DNAJB12: variants seen among roughly 807,000 people sequenced by gnomAD.
The protein encoded by DNAJB12 is dnaJ homolog subfamily B member 12.
DNAJB12 carries 14 observed loss-of-function variants against 40.6 expected under a neutral mutation model. That is an observed-to-expected ratio of 0.34 (90% confidence interval 0.23 to 0.54). The LOEUF is 0.54. Among genes scored for constraint, DNAJB12 ranks in the 20% least tolerant of loss-of-function variants. The pLI, the probability that DNAJB12 is intolerant of heterozygous loss-of-function variation, is 0.92. For missense variants in DNAJB12, 444 were observed against 501.7 expected, an observed-to-expected ratio of 0.89 and a Z score of 1.10; for synonymous variants, 181 against 199.5, an observed-to-expected ratio of 0.91 and a Z score of 0.78.
At chr10:72,353,028 C>T (rs1426319166) in intron 1 of DNAJB12, among the ~76,000 whole-genome samples, 2 of 152,226 alleles carry the variant, frequency 1.3e-5, no homozygotes, top group South Asian at 2.1e-4. Flanking sequence ...AAAGTTTACA[C>T]GGATGCATAA....
In DNAJB12 at chr10:72,334,162, A is replaced by G; in HGVS notation, c.*486T>C. On this transcript the variant is annotated 3_prime_UTR_variant, in exon 9 of 9. Transcript: ENST00000444643. Reference sequence around the variant, plus strand: ...TATGCCTATTTACATATAAATAGATATATATACATATACACGCATCTATAA... The same window carrying G: ...TATGCCTATTTACATATAAATAGATGTATATACATATACACGCATCTATAA... 4.7e-6 allele frequency: 1 copy of G among 211,334 alleles called. No individual in the cohort carries two copies. The highest frequency in any genetic ancestry group is 6.3e-5 in the South Asian group (1 of 15,992). The allele number at this position is 211,334 out of a possible 1,614,324, so 13.1% of individuals were successfully genotyped here. A position where few individuals can be genotyped will look rare whatever the true frequency, so the allele number is the denominator to read the frequency against.
chr10:72,342,392 C>G lies in DNAJB12; in HGVS notation c.457+974G>C, dbSNP rs1359281911. On this transcript the variant is annotated intron_variant, in intron 3 of 8. Coordinates refer to ENST00000444643, the MANE Select transcript of DNAJB12 (RefSeq NM_017626.7). ...AAGGAGCGCGGAATCGTCTCCTCCG[C>G]CAATTCTGAATAGGCCTCAAGGCCA... is the stretch of plus-strand genomic sequence containing the variant. 2.0e-5 allele frequency among the ~76,000 whole-genome samples: 3 copies of G among 152,238 alleles called. No homozygotes were observed. The East Asian group carries it at 5.8e-4, about 29-fold the overall frequency.
chr10:72,336,492 A>G (rs766106089), intron 7 of DNAJB12, 32 bp downstream of exon 7: 2 of 1,604,094 alleles, frequency 1.2e-6, no homozygotes, highest in South Asian at 1.1e-5. Flanking sequence ...GCCACCTCCC[A>G]AATACAGCCC....
At chr10:72,353,018 A>G (rs555328801) in intron 1 of DNAJB12, among the ~76,000 whole-genome samples, 317 of 152,368 alleles carry the variant, frequency 2.1e-3, no homozygotes, top group Non-Finnish European at 3.8e-3. Flanking sequence ...TGCAGATGGT[A>G]AAGTTTACAC....
rs540195003 is a variant in DNAJB12 at position 72,336,591 on chromosome 10, G to T, written c.939C>A (p.Val313=). 4 of 1,614,112 alleles carry T rather than the reference G, an allele frequency of 2.5e-6. No homozygotes were observed. The South Asian group carries it at 3.3e-5, about 13-fold the overall frequency. The stretch of plus-strand genomic sequence containing the variant: ...TATAATCATCTTCCACATTCCGCTC[G>T]ACTGTTTTGAGGCTGGAGCCTGTGT... ...EEYTGSSLKT[V]ERNVEDDYIA... Residue 313 remains valine (V), a synonymous_variant, in exon 7 of 9, where the codon GTC becomes GTA. Transcript: ENST00000444643.
In DNAJB12 at chr10:72,335,325, T is replaced by C. The variant is rs1232414755; in HGVS notation, c.*30+455A>G. The C allele has an allele frequency of 3.0e-6, 3 of 988,258 alleles. No homozygotes were observed. Among genetic ancestry groups the C allele is most frequent in the Non-Finnish European group, 3.6e-6 (3 of 831,614 alleles). 61.2% of individuals were successfully genotyped at this position (988,258 alleles called of 1,614,324 possible). A position where few individuals can be genotyped will look rare whatever the true frequency, so the allele number is the denominator to read the frequency against. The stretch of plus-strand genomic sequence containing the variant: ...GGCTCTTGGCCCACCTATTCCCACA[T>C]GGTTCTTCCTGGTATCAGGCAGGCA... On this transcript the variant is annotated intron_variant, in intron 8 of 8. Coordinates refer to ENST00000444643, the MANE Select transcript of DNAJB12 (RefSeq NM_017626.7). This position sits in a 1 kb window ranked among gnomAD's most constrained non-coding sequence, Gnocchi z 4.4.
rs1385026880 is a variant in DNAJB12 at position 72,349,259 on chromosome 10, G to T, written c.134-4132C>A. Among the ~76,000 whole-genome samples the T allele has an allele frequency of 2.6e-5, 4 of 152,006 alleles. No individual in the cohort carries two copies. In the East Asian group the frequency reaches 7.7e-4, roughly 29 times the overall value. ...GTGCCGAGTCTGACAGAGAGTGAAGGTTCAAGGCTGATGAAGTGTCTGGCC... is the reference window on the plus strand; with the variant it reads ...GTGCCGAGTCTGACAGAGAGTGAAGTTTCAAGGCTGATGAAGTGTCTGGCC... On this transcript the variant is annotated intron_variant, in intron 1 of 8. Transcript: ENST00000444643.
chr10:72,354,418 GGGC>G, intron 1 of DNAJB12: 7 of 273,674 alleles, frequency 2.6e-5, no homozygotes, highest in South Asian at 1.2e-4. Flanking sequence ...CGACTGGCCT[GGGC>G]TACCGAACGG....
At position 72,354,791 on chromosome 10, in the gene DNAJB12, C is replaced by T. The variant is rs201838770; in HGVS notation, c.107G>A (p.Arg36Gln). 1.9e-6 allele frequency: 3 copies of T among 1,613,602 alleles called. No individual in the cohort carries two copies. Among genetic ancestry groups the T allele is most frequent in the South Asian group, 1.1e-5 (1 of 91,062 alleles). ...RALRFLEKAQ[R>Q]LYPTPRVRAL... is the part of the protein sequence containing the mutation. ...GCGAACTCGCGGCGTCGGATACAGC[C>T]GCTGTGCCTTCTCCAGGAAGCGGAG... is the stretch of plus-strand genomic sequence containing the variant. The change falls in exon 1 of 9, where the codon CGG becomes CAG. Residue 36 changes from arginine (R) to glutamine (Q), a missense_variant. Coordinates refer to ENST00000444643, the MANE Select transcript of DNAJB12 (RefSeq NM_017626.7).
At chr10:72,334,978 C>T in intron 8 of DNAJB12, 3 of 1,119,194 alleles carry the variant, frequency 2.7e-6, no homozygotes. Flanking sequence ...CGCCGGGCTG[C>T]AGAAGGAGGG....
At chr10:72,352,621 A>G (rs563786921) in intron 1 of DNAJB12, among the ~76,000 whole-genome samples, 22 of 152,270 alleles carry the variant, frequency 1.4e-4, no homozygotes, top group African/African-American at 4.6e-4. Context: ...CCTGTCCTTA[A>G]GTCCTCAGCG....
At position 72,345,732 on chromosome 10, in the gene DNAJB12, C is replaced by T. The variant is rs539983067; in HGVS notation, c.134-605G>A. 2.0e-5 allele frequency among the ~76,000 whole-genome samples: 3 copies of T among 151,282 alleles called. No individual in the cohort carries two copies. The East Asian group carries it at 5.8e-4, about 29-fold the overall frequency. On this transcript the variant is annotated intron_variant, in intron 1 of 8. Transcript: ENST00000444643. ...TACTAAAAATACAAAAAAAAAAACC[C>T]CAAAAGACATTTAGCTGGAGATAGT...
chr10:72,353,188 A>G lies in DNAJB12; in HGVS notation c.133+1577T>C, dbSNP rs553593500. ...ACTGGTGCAGGGGCCTGCTGACAGAAAGATCCCCAGAGGCCCTGTGGCCCA... is the reference window on the plus strand; with the variant it reads ...ACTGGTGCAGGGGCCTGCTGACAGAGAGATCCCCAGAGGCCCTGTGGCCCA... On this transcript the variant is annotated intron_variant, in intron 1 of 8. Coordinates refer to ENST00000444643, the MANE Select transcript of DNAJB12 (RefSeq NM_017626.7). Among the ~76,000 whole-genome samples the G allele has an allele frequency of 4.6e-5, 7 of 152,378 alleles. No homozygotes were observed. In the South Asian group the frequency reaches 1.2e-3, roughly 27 times the overall value.
rs775670938 is a variant in DNAJB12, at chr10:72,341,174, G to A, written c.458-4C>T. The A allele has an allele frequency of 1.3e-5, 21 of 1,600,332 alleles. No individual in the cohort carries two copies. Among genetic ancestry groups the A allele is most frequent in the Non-Finnish European group, 1.7e-5 (20 of 1,168,980 alleles). On this transcript the variant is annotated splice_polypyrimidine_tract_variant and splice_region_variant and intron_variant, in intron 3 of 8. Coordinates refer to ENST00000444643, the MANE Select transcript of DNAJB12 (RefSeq NM_017626.7). ...ACCGCATATGCTGTGCCAATGGCTG[G>A]AGAGGAGGAGGAAAGGTCAGGCCTG...
rs1861686478 is a variant in DNAJB12, at chr10:72,343,260, C to T, written c.457+106G>A. ...CCTGGGCAACTTGGGCCCAAGGCCA[C>T]TTCCTCCTGCTCCCTGCTTCCTGGG... is the stretch of plus-strand genomic sequence containing the variant. On this transcript the variant is annotated intron_variant, in intron 3 of 8. Transcript: ENST00000444643. 28 of 1,441,680 alleles carry T rather than the reference C, an allele frequency of 1.9e-5. No homozygotes were observed. In the South Asian group the frequency reaches 3.8e-4, roughly 19 times the overall value. 89.3% of individuals were successfully genotyped at this position (1,441,680 alleles called of 1,614,324 possible).
chr10:72,336,936 C>T (rs1009082590), intron 6 of DNAJB12: 54 of 390,960 alleles, frequency 1.4e-4, no homozygotes, highest in African/African-American at 8.3e-4. Flanking sequence ...TACCACACTG[C>T]TGACCTGGGG....
rs1466599767 is a variant in DNAJB12, at chr10:72,334,941, C to T, written c.*31-324G>A. 1.4e-5 allele frequency: 17 copies of T among 1,202,896 alleles called. No individual in the cohort carries two copies. In the East Asian group the frequency reaches 7.0e-4, roughly 50 times the overall value. 74.5% of individuals were successfully genotyped at this position (1,202,896 alleles called of 1,614,324 possible). A position where few individuals can be genotyped will look rare whatever the true frequency, so the allele number is the denominator to read the frequency against. On this transcript the variant is annotated intron_variant, in intron 8 of 8. Transcript: ENST00000444643. ...CTGAAGTGGCCACCTCTGGCAAACG[C>T]TGGGAACAGAGCCCAGCGCCCCCAT...
At position 72,340,833 on chromosome 10, in the gene DNAJB12, A is replaced by C. The variant is rs1034089252; in HGVS notation, c.679T>G (p.Tyr227Asp). The change falls in exon 5 of 9, where the codon TAT becomes GAT. Residue 227 changes from tyrosine (Y) to aspartate (D), a missense_variant. Coordinates refer to ENST00000444643, the MANE Select transcript of DNAJB12 (RefSeq NM_017626.7). ...CGGTCCTGCCTTTGCTGGTAGGTAT[A>C]GCGCATGCGGCCGTTGCTGTAGACG... ...VHVYSNGRMR[Y>D]TYQQRQDRRD... 3 of 1,614,194 alleles carry C rather than the reference A, an allele frequency of 1.9e-6. No homozygotes were observed. In the Admixed American group the frequency reaches 5.0e-5, roughly 27 times the overall value.
chr10:72,346,072 T>G (rs1375821053), intron 1 of DNAJB12, among the ~76,000 whole-genome samples: 1 of 152,148 alleles, frequency 6.6e-6, no homozygotes, highest in Non-Finnish European at 1.5e-5. Flanking sequence ...CTTAATAAAT[T>G]TAGGCAGAAT....
Sources: gnomAD v4.1 joint callset for allele counts (sites outside exome capture counted in the v4.1 genomes callset) on GRCh38, gnomAD v4.1.1 for gene constraint, Gnocchi (gnomAD v3.1) non-coding constraint, MANE v1.5 for transcripts, NCBI Gene and HGNC (gene_info 2026-07-23, HGNC 2026-07-21) for gene names.